Variants in ACOT7 observed in about 807,000 individuals in gnomAD.
ACOT7 encodes cytosolic acyl coenzyme A thioester hydrolase.
In ACOT7, 12 loss-of-function variants were observed where a neutral mutation model predicts 40.2. The ratio of observed to expected loss-of-function variants is 0.30; its 90% CI spans 0.19 to 0.48. The LOEUF is 0.48. Among genes scored for constraint, ACOT7 ranks in the 20% least tolerant of loss-of-function variants. The pLI is 0.99. For missense variants in ACOT7, 395 were observed against 530.8 expected, an observed-to-expected ratio of 0.74 and a Z score of 2.51; for synonymous variants, 228 against 219.5, an observed-to-expected ratio of 1.04 and a Z score of -0.34.
intron 8 of ACOT7, among the ~76,000 whole-genome samples, chr1:6,272,145 C>T (rs1639054481): frequency 6.6e-6 from 1 of 152,258 alleles, no homozygotes. Context: ...TGTGCGTGTG[C>T]CCACTCTGTG....
chr1:6,329,405 T>A (rs1325284183), intron 4 of ACOT7, among the ~76,000 whole-genome samples: 3 of 152,172 alleles, frequency 2.0e-5, no homozygotes, highest in Non-Finnish European at 4.4e-5. Flanking sequence ...AAGTAACGAC[T>A]GTGAGAAGAG....
intron 1 of ACOT7, among the ~76,000 whole-genome samples, chr1:6,389,196 T>C (rs1171098312): frequency 1.3e-5 from 2 of 152,232 alleles, no homozygotes; most frequent in Non-Finnish European, 2.9e-5. Context: ...TAGGCATTCA[T>C]GGTACCACAT....
intron 1 of ACOT7, among the ~76,000 whole-genome samples, chr1:6,378,448 G>A (rs1179711236): frequency 6.6e-6 from 1 of 151,964 alleles, no homozygotes; most frequent in Non-Finnish European, 1.5e-5. Context: ...CCGGGCTCAT[G>A]GGCACACAGC....
At chr1:6,345,510 C>T (rs966250829) in intron 2 of ACOT7, among the ~76,000 whole-genome samples, 6 of 152,194 alleles carry the variant, frequency 3.9e-5, no homozygotes, top group Non-Finnish European at 8.8e-5. Context: ...TGCAGAGATT[C>T]GAGGGGATAA....
At chr1:6,268,432 AC>A in intron 8 of ACOT7, among the ~76,000 whole-genome samples, 1 of 152,318 alleles carries the variant, frequency 6.6e-6, no homozygotes, top group East Asian at 1.9e-4. Context: ...AACTAACTAG[AC>A]CTAGATCTAG....
rs1392423656 is a variant in ACOT7, at chr1:6,278,583, A to G, written c.1014+2519T>C. On this transcript the variant is annotated intron_variant, in intron 8 of 8. Transcript: ENST00000361521. The surrounding 1 kb of genome is among the most constrained non-coding windows in gnomAD (Gnocchi z 4.1). ...TGATAATGAGTTCCATTCAGGACAA[A>G]CTGTATTTGTGATGCTTTTGGGAAC... Among the ~76,000 whole-genome samples, 1 of 152,110 alleles carries G rather than the reference A, an allele frequency of 6.6e-6. No homozygotes were observed. Among genetic ancestry groups the G allele is most frequent in the Non-Finnish European group, 1.5e-5 (1 of 68,012 alleles).
intron 6 of ACOT7, among the ~76,000 whole-genome samples, chr1:6,298,293 C>T (rs1301824981): frequency 6.6e-6 from 1 of 152,148 alleles, no homozygotes; most frequent in South Asian, 2.1e-4. Flanking sequence ...CGTCACCATG[C>T]CCAGCTAATT....
chr1:6,385,364 C>T (rs915730619), intron 1 of ACOT7: 1 of 1,159,076 alleles, frequency 8.6e-7, no homozygotes, highest in Non-Finnish European at 1.2e-6. Flanking sequence ...GCAAAACACA[C>T]AGCTCATCCA....
intron 2 of ACOT7, among the ~76,000 whole-genome samples, chr1:6,343,966 A>C (rs1455026780): frequency 6.6e-6 from 1 of 152,156 alleles, no homozygotes; most frequent in Non-Finnish European, 1.5e-5. Flanking sequence ...ACGAGAAGTA[A>C]ATGGGGCCAC....
chr1:6,309,938 G>A (rs769016132), intron 6 of ACOT7, among the ~76,000 whole-genome samples: 5 of 152,264 alleles, frequency 3.3e-5, no homozygotes, highest in African/African-American at 7.2e-5. Context: ...GTGTTATCTC[G>A]TCTGTTTGTA....
chr1:6,332,777 C>G (rs376534720), intron 4 of ACOT7, among the ~76,000 whole-genome samples: 1 of 151,574 alleles, frequency 6.6e-6, no homozygotes, highest in African/African-American at 2.4e-5. Context: ...GCCGAGATCG[C>G]GCCACTGCAC....
At chr1:6,344,413 T>A (rs982667556) in intron 2 of ACOT7, among the ~76,000 whole-genome samples, 6 of 152,134 alleles carry the variant, frequency 3.9e-5, no homozygotes, top group African/African-American at 1.4e-4. Flanking sequence ...CTGTCCTTCA[T>A]AGGGCAGAAG....
intron 1 of ACOT7, among the ~76,000 whole-genome samples, chr1:6,376,052 C>T (rs1642225068): frequency 6.6e-6 from 1 of 151,928 alleles, no homozygotes; most frequent in African/African-American, 2.4e-5. Flanking sequence ...TTCAGAAGTT[C>T]GAGACCAGCC....
Position 6,331,406 on chromosome 1 carries a change from G to A in ACOT7, c.510+2071C>T, listed in dbSNP as rs567270426. 4.0e-3 allele frequency among the ~76,000 whole-genome samples: 607 copies of A among 152,352 alleles called. 3 individuals carry two copies. The highest frequency in any genetic ancestry group is 0.012 in the South Asian group (59 of 4,832). ...AGTGACGCAGCCTCAGCCAAGGGAC[G>A]CCTGGAGCCACCCGGCGCTGGAGAC... On this transcript the variant is annotated intron_variant, in intron 4 of 8. Coordinates refer to ENST00000361521, the MANE Select transcript of ACOT7 (RefSeq NM_007274.4).
chr1:6,393,545 A>G lies in ACOT7; in HGVS notation c.-146T>C, dbSNP rs2148487544. The G allele has an allele frequency of 1.4e-6, 1 of 696,708 alleles. No homozygotes were observed. The highest frequency in any genetic ancestry group is 4.0e-5 in the East Asian group (1 of 25,012). 43.2% of individuals were successfully genotyped at this position (696,708 alleles called of 1,614,324 possible). ...GCCTCCCAGGCCGCCAAGGCTGCAG[A>G]GAGCTCGCGCGGGCGTACGATTCTG... On this transcript the variant is annotated 5_prime_UTR_variant, in exon 1 of 9. Coordinates refer to ENST00000361521, the MANE Select transcript of ACOT7 (RefSeq NM_007274.4).
intron 5 of ACOT7, among the ~76,000 whole-genome samples, chr1:6,325,199 C>A: frequency 6.6e-6 from 1 of 152,176 alleles, no homozygotes; most frequent in East Asian, 1.9e-4. Flanking sequence ...GAGATCGAGA[C>A]CATCCTGGCT....
chr1:6,343,815 T>C (rs887246515), intron 2 of ACOT7, among the ~76,000 whole-genome samples: 8 of 152,276 alleles, frequency 5.3e-5, no homozygotes, highest in African/African-American at 1.2e-4. Flanking sequence ...AACAGACCTA[T>C]GGGCGCATGC....
intron 5 of ACOT7, among the ~76,000 whole-genome samples, chr1:6,324,376 C>T (rs893219361): frequency 6.6e-6 from 1 of 152,104 alleles, no homozygotes; most frequent in Non-Finnish European, 1.5e-5. Context: ...ATCAGGAAAT[C>T]GAGATTCAGG....
chr1:6,360,514 A>T, intron 1 of ACOT7: 1 of 1,601,474 alleles, frequency 6.2e-7, no homozygotes, highest in Non-Finnish European at 8.6e-7. Context: ...CCTCCCAAAC[A>T]CACTTCCCTC....
Sources: allele counts gnomAD v4.1 joint callset (sites outside exome capture counted in the v4.1 genomes callset), GRCh38; gene constraint gnomAD v4.1.1; non-coding constraint Gnocchi (gnomAD v3.1); transcripts MANE v1.5; gene names NCBI Gene and HGNC (gene_info 2026-07-23, HGNC 2026-07-21).